Variants in COL23A1 observed in about 807,000 individuals in gnomAD.
The protein encoded by COL23A1 is collagen type XXIII alpha 1 chain.
In COL23A1, 97 loss-of-function variants were observed where a neutral mutation model predicts 99.3. That is an observed-to-expected ratio of 0.98 (90% CI 0.83 to 1.16). COL23A1 has a LOEUF of 1.16. Among genes scored for constraint, COL23A1 ranks in the 50% most tolerant of loss-of-function variants. COL23A1 has a pLI of 0.00. For synonymous variants in COL23A1, 320 were observed against 308.2 expected, an observed-to-expected ratio of 1.04 and a Z score of -0.40; for missense variants, 762 against 757.4, an observed-to-expected ratio of 1.01 and a Z score of -0.07.
chr5:178,351,584 C>T (rs1042851277), intron 2 of COL23A1, among the ~76,000 whole-genome samples: 4 of 152,244 alleles, frequency 2.6e-5, no homozygotes, highest in African/African-American at 2.4e-5. Flanking sequence ...CAGAAAACAG[C>T]GTCTGGAGTG....
At chr5:178,503,893 C>A (rs1040080337) in intron 2 of COL23A1, among the ~76,000 whole-genome samples, 1 of 152,160 alleles carries the variant, frequency 6.6e-6, no homozygotes, top group African/African-American at 2.4e-5. Context: ...GAGCCCTGGG[C>A]TAGGTCCGGA....
At chr5:178,585,744 G>GGGGTAATAATGCCCT (rs1454677345) in intron 1 of COL23A1, among the ~76,000 whole-genome samples, 2 of 151,976 alleles carry the variant, frequency 1.3e-5, no homozygotes, top group South Asian at 2.1e-4. Context: ...AGCCCTGGCT[G>GGGGTAATAATGCCCT]ACCCTGTTGG....
rs1765727801 is a variant in COL23A1 at position 178,263,189 on chromosome 5, A to G, written c.639+19T>C. The G allele has an allele frequency of 6.3e-7, 1 of 1,581,226 alleles. No homozygotes were observed. The highest frequency in any genetic ancestry group is 8.7e-7 in the Non-Finnish European group (1 of 1,150,498). ...TTTTGGTCAAGTCCTGCGTGGCCCA[A>G]CTCCATGCCCTCTCTTACCGCTGGG... On this transcript the variant is annotated intron_variant, in intron 9 of 28. Coordinates refer to ENST00000390654, the MANE Select transcript of COL23A1 (RefSeq NM_173465.4).
At chr5:178,535,073 C>A (rs942511659) in intron 2 of COL23A1, among the ~76,000 whole-genome samples, 2 of 150,366 alleles carry the variant, frequency 1.3e-5, no homozygotes. Context: ...AGTGTTCAAG[C>A]GATTCTCCTG....
rs1019761222 is a variant in COL23A1, at chr5:178,589,645, C to T, written c.294+259G>A. Among the ~76,000 whole-genome samples the T allele has an allele frequency of 6.6e-6, 1 of 152,230 alleles. No homozygotes were observed. Among genetic ancestry groups the T allele is most frequent in the Non-Finnish European group, 1.5e-5 (1 of 68,030 alleles). On this transcript the variant is annotated intron_variant, in intron 1 of 28. Coordinates refer to ENST00000390654, the MANE Select transcript of COL23A1 (RefSeq NM_173465.4). The surrounding 1 kb of genome is among the most constrained non-coding windows in gnomAD (Gnocchi z 5.4). Reference sequence around the variant, plus strand: ...GGTCTGTTACTCCAAAGTCCCTGGTCTCTCCTTCCCCTTTCTCGCGGCCGC... The same window carrying T: ...GGTCTGTTACTCCAAAGTCCCTGGTTTCTCCTTCCCCTTTCTCGCGGCCGC...
rs1561951064 is a variant in COL23A1, at chr5:178,415,087, G to T, written c.362-108168C>A. ...AAACAGTTTGTGCCTCAGTTTCTCA[G>T]CACGAAACCCGGAATATGTGAGTGC... On this transcript the variant is annotated intron_variant, in intron 2 of 28. Coordinates refer to ENST00000390654, the MANE Select transcript of COL23A1 (RefSeq NM_173465.4). The surrounding 1 kb of genome is among the most constrained non-coding windows in gnomAD (Gnocchi z 4.6). 6.6e-6 allele frequency among the ~76,000 whole-genome samples: 1 copy of T among 152,248 alleles called. No individual in the cohort carries two copies. The highest frequency in any genetic ancestry group is 1.9e-4 in the East Asian group (1 of 5,164).
intron 2 of COL23A1, among the ~76,000 whole-genome samples, chr5:178,386,109 G>A (rs1357760780): frequency 1.3e-5 from 2 of 152,066 alleles, no homozygotes; most frequent in African/African-American, 4.8e-5. Context: ...CCCGGGCTTC[G>A]TGTATGTGGG....
In COL23A1 at chr5:178,560,710, T is replaced by C. The variant is rs1278970119; in HGVS notation, c.333A>G (p.Glu111=). 1 of 1,612,806 alleles carries C rather than the reference T, an allele frequency of 6.2e-7. No homozygotes were observed. Among genetic ancestry groups the C allele is most frequent in the Non-Finnish European group, 8.5e-7 (1 of 1,179,750 alleles). ...DGLAKIRTAR[E]APSECVCPPG... is the part of the protein sequence containing the mutation. ...GGGGGCAGACACATTCGGATGGAGC[T>C]TCCCGAGCAGTCCGGATCTTCGCTA... The change falls in exon 2 of 29, where the codon GAA becomes GAG. Residue 111 remains glutamate (E), a synonymous_variant. Coordinates refer to ENST00000390654, the MANE Select transcript of COL23A1 (RefSeq NM_173465.4).
At chr5:178,474,779 A>G (rs1186941421) in intron 2 of COL23A1, among the ~76,000 whole-genome samples, 8 of 152,258 alleles carry the variant, frequency 5.3e-5, no homozygotes, top group Non-Finnish European at 1.2e-4. Context: ...CAGGGAACAC[A>G]GATTATAAAC....
chr5:178,524,323 GAA>G (rs1490801088), intron 2 of COL23A1, among the ~76,000 whole-genome samples: 1 of 152,184 alleles, frequency 6.6e-6, no homozygotes, highest in Non-Finnish European at 1.5e-5. Context: ...CTCCCCAGTG[GAA>G]AGAGACCCTC....
chr5:178,407,281 T>A (rs908793430), intron 2 of COL23A1, among the ~76,000 whole-genome samples: 50 of 152,210 alleles, frequency 3.3e-4, no homozygotes, highest in African/African-American at 1.1e-3. Context: ...AGTTGAAAAG[T>A]TGGACTTTCA....
chr5:178,341,070 T>C (rs1581182529), intron 2 of COL23A1, among the ~76,000 whole-genome samples: 1 of 152,154 alleles, frequency 6.6e-6, no homozygotes, highest in African/African-American at 2.4e-5. Flanking sequence ...CTCCTGATGG[T>C]GGAGCAGGGC....
intron 2 of COL23A1, among the ~76,000 whole-genome samples, chr5:178,337,302 C>T (rs1475024727): frequency 6.6e-6 from 1 of 152,266 alleles, no homozygotes; most frequent in Admixed American, 6.5e-5. Context: ...CCCGGCCAGA[C>T]CCCGGGAAGG....
At chr5:178,267,184 C>CCT in intron 8 of COL23A1, 123 bp downstream of exon 8, 1 of 1,067,232 alleles carries the variant, frequency 9.4e-7, no homozygotes, top group South Asian at 1.3e-5. Context: ...GGGGAAGAGC[C>CCT]CTCTTGGCCT....
intron 2 of COL23A1, among the ~76,000 whole-genome samples, chr5:178,358,030 GTA>G (rs1761830895): frequency 7.0e-6 from 1 of 143,702 alleles, no homozygotes; most frequent in East Asian, 2.1e-4. Context: ...GTGTGTATGC[GTA>G]TGTGTATGTG....
At chr5:178,326,286 G>A (rs565873098) in intron 2 of COL23A1, among the ~76,000 whole-genome samples, 2 of 152,236 alleles carry the variant, frequency 1.3e-5, no homozygotes, top group African/African-American at 2.4e-5. Flanking sequence ...TGGGGAATGC[G>A]TGTATTTCTG....
intron 1 of COL23A1, among the ~76,000 whole-genome samples, chr5:178,576,438 C>T (rs1029478394): frequency 3.3e-5 from 5 of 152,176 alleles, no homozygotes; most frequent in African/African-American, 7.2e-5. Flanking sequence ...TTTCGCCATA[C>T]TGGCGAGGCT....
intron 1 of COL23A1, among the ~76,000 whole-genome samples, chr5:178,576,658 G>A (rs998268002): frequency 6.6e-6 from 1 of 152,152 alleles, no homozygotes; most frequent in Admixed American, 6.5e-5. Context: ...GTCGTGGAGG[G>A]CCCCGGGCTG....
chr5:178,511,458 A>T (rs773717090), intron 2 of COL23A1, among the ~76,000 whole-genome samples: 3 of 152,258 alleles, frequency 2.0e-5, no homozygotes, highest in Admixed American at 1.3e-4. Flanking sequence ...AATCCCTGCT[A>T]AGATAAGACT....
Sources: allele counts gnomAD v4.1 joint callset (sites outside exome capture counted in the v4.1 genomes callset), GRCh38; gene constraint gnomAD v4.1.1; non-coding constraint Gnocchi (gnomAD v3.1); transcripts MANE v1.5; gene names NCBI Gene and HGNC (gene_info 2026-07-23, HGNC 2026-07-21).